The following SCGB2B2 variants were observed in gnomAD, a reference collection of about 807,000 sequenced individuals.
The protein encoded by SCGB2B2 is secretoglobin-like protein.
A neutral mutation model predicts 7.6 loss-of-function variants in SCGB2B2; 11 were observed. The ratio of observed to expected loss-of-function variants is 1.45; its 90% CI spans 0.91 to 2.40. The LOEUF (loss-of-function observed/expected upper bound fraction) is 2.40. Ranked by LOEUF, SCGB2B2 falls within the 30% of genes most tolerant of loss-of-function variation. The pLI, the probability that SCGB2B2 is intolerant of heterozygous loss-of-function variation, is 0.00. For missense variants in SCGB2B2, 104 were observed against 115.4 expected (o/e 0.90, Z 0.45); for synonymous variants, 50 against 48.6 (o/e 1.03, Z -0.12).
intron 1 of SCGB2B2, among the ~76,000 whole-genome samples, chr19:34,635,900 T>C (rs990930821): frequency 6.6e-6 from 1 of 152,230 alleles, no homozygotes; most frequent in African/African-American, 2.4e-5. Context: ...CCTCTGGTGC[T>C]AGGGGGTGTC....
Position 34,593,637 on chromosome 19 carries a change from CTG to C in SCGB2B2, c.247-40_247-39del, listed in dbSNP as rs985635122. 3.3e-6 allele frequency: 5 copies of C among 1,521,880 alleles called. No homozygotes were observed. The African/African-American group carries it at 5.5e-5, about 17-fold the overall frequency. 94.3% of individuals were successfully genotyped at this position (1,521,880 alleles called of 1,614,324 possible). On this transcript the variant is annotated intron_variant, in intron 3 of 3. Coordinates refer to ENST00000601241, the MANE Select transcript of SCGB2B2 (RefSeq NM_001025591.4). ...GAAGAAAGAGAGGAGCCGGTGGCCTCTGTGAAAGGCTCCCCAGACTCATCGTT... is the reference window on the plus strand; with the variant it reads ...GAAGAAAGAGAGGAGCCGGTGGCCTCTGAAAGGCTCCCCAGACTCATCGTT...
intron 1 of SCGB2B2, chr19:34,645,788 C>A: frequency 3.4e-6 from 1 of 295,514 alleles, no homozygotes; most frequent in Admixed American, 4.1e-5. Flanking sequence ...TCATTGCCAT[C>A]CCAGGGTCTC....
At chr19:34,666,139 T>C (rs1453363363) in intron 1 of SCGB2B2, among the ~76,000 whole-genome samples, 1 of 152,008 alleles carries the variant, frequency 6.6e-6, no homozygotes, top group Non-Finnish European at 1.5e-5. Flanking sequence ...GGTCCCCAGA[T>C]TGTACAAAGT....
At chr19:34,664,082 C>T (rs1179370621) in intron 1 of SCGB2B2, among the ~76,000 whole-genome samples, 2 of 152,108 alleles carry the variant, frequency 1.3e-5, no homozygotes, top group Non-Finnish European at 1.5e-5. Context: ...AAAACCCTGC[C>T]CACAACCCTA....
intron 1 of SCGB2B2, among the ~76,000 whole-genome samples, chr19:34,675,236 C>A (rs574095960): frequency 6.6e-5 from 10 of 152,162 alleles, no homozygotes; most frequent in Non-Finnish European, 1.5e-4. Context: ...CTTTGGAAAA[C>A]AATTCATGAT....
downstream of SCGB2B2, among the ~76,000 whole-genome samples, chr19:34,590,377 CCGTT>C (rs1326196431): frequency 2.7e-4 from 37 of 139,418 alleles, 1 homozygote; most frequent in Admixed American, 2.3e-3. Context: ...ATCCATCCAT[CCGTT>C]CATCCATCCA....
intron 1 of SCGB2B2, among the ~76,000 whole-genome samples, chr19:34,616,048 A>G (rs1356332915): frequency 6.6e-6 from 1 of 150,954 alleles, no homozygotes; most frequent in African/African-American, 2.4e-5. Context: ...ATAGTATTCC[A>G]TGGTGTATAT....
chr19:34,644,782 T>G (rs1373183054), intron 1 of SCGB2B2, among the ~76,000 whole-genome samples: 1 of 152,212 alleles, frequency 6.6e-6, no homozygotes, highest in East Asian at 1.9e-4. Context: ...GACGGACACT[T>G]AGGACATTTC....
In SCGB2B2 at chr19:34,613,347, C is replaced by T. The variant is rs546060492; in HGVS notation, c.-2031-16753G>A. On this transcript the variant is annotated intron_variant, in intron 1 of 3. Transcript: ENST00000601241. ...CTCCTGACCTCAAGTGATCTGTCCCCCTTGGCCTCCCAAAGTGCTGGGATT... is the reference window on the plus strand; with the variant it reads ...CTCCTGACCTCAAGTGATCTGTCCCTCTTGGCCTCCCAAAGTGCTGGGATT... Among the ~76,000 whole-genome samples, 7 of 151,910 alleles carry T rather than the reference C, an allele frequency of 4.6e-5. No homozygotes were observed. The East Asian group carries it at 1.4e-3, about 29-fold the overall frequency.
At chr19:34,607,646 A>T (rs1476954257) in intron 1 of SCGB2B2, among the ~76,000 whole-genome samples, 1 of 152,226 alleles carries the variant, frequency 6.6e-6, no homozygotes, top group Non-Finnish European at 1.5e-5. Context: ...AACCATGCTA[A>T]TGTGTGTAAG....
At chr19:34,667,072 CG>C (rs1033281717) in intron 1 of SCGB2B2, among the ~76,000 whole-genome samples, 56 of 152,182 alleles carry the variant, frequency 3.7e-4, no homozygotes, top group Middle Eastern at 6.8e-3. Context: ...GCAGCAGGCC[CG>C]GCCACCAGCG....
At chr19:34,635,303 G>T in intron 1 of SCGB2B2, 2 of 287,866 alleles carry the variant, frequency 6.9e-6, no homozygotes, top group South Asian at 9.0e-5. Flanking sequence ...GGTGCTGAAT[G>T]AGTGTGTGTT....
chr19:34,649,516 G>GA (rs913783011), intron 1 of SCGB2B2, among the ~76,000 whole-genome samples: 5 of 150,924 alleles, frequency 3.3e-5, no homozygotes, highest in Non-Finnish European at 3.0e-5. Context: ...TTACTTAAAA[G>GA]AAAAAAAAAC....
intron 1 of SCGB2B2, among the ~76,000 whole-genome samples, chr19:34,627,311 G>A (rs1198042293): frequency 6.6e-6 from 1 of 152,136 alleles, no homozygotes; most frequent in Non-Finnish European, 1.5e-5. Context: ...GACACAGACT[G>A]GCAAATTGGA....
chr19:34,614,959 G>A (rs919418017), intron 1 of SCGB2B2, among the ~76,000 whole-genome samples: 1 of 152,158 alleles, frequency 6.6e-6, no homozygotes, highest in African/African-American at 2.4e-5. Flanking sequence ...TAGCATCATT[G>A]GTCAAGGCTT....
intron 1 of SCGB2B2, among the ~76,000 whole-genome samples, chr19:34,623,974 A>T (rs2066303992): frequency 6.6e-6 from 1 of 152,196 alleles, no homozygotes; most frequent in Non-Finnish European, 1.5e-5. Flanking sequence ...CAAATAGGGC[A>T]TGAGGTCTGA....
intron 1 of SCGB2B2, among the ~76,000 whole-genome samples, chr19:34,658,170 C>T (rs892061911): frequency 2.6e-5 from 4 of 152,136 alleles, no homozygotes; most frequent in African/African-American, 9.7e-5. Context: ...GACACCCTAA[C>T]ATCACAATTA....
chr19:34,629,673 C>T (rs1419901243), intron 1 of SCGB2B2, among the ~76,000 whole-genome samples: 1 of 151,898 alleles, frequency 6.6e-6, no homozygotes, highest in Non-Finnish European at 1.5e-5. Flanking sequence ...GAATCAATAT[C>T]GTGAAAATGG....
At position 34,631,480 on chromosome 19, in the gene SCGB2B2, A is replaced by G. The variant is rs577169419; in HGVS notation, c.-2031-34886T>C. ...ATATTTCTATAAAAATTGTATTTCT[A>G]TGTACTAACAATGACTAATTTAAAA... is the stretch of plus-strand genomic sequence containing the variant. On this transcript the variant is annotated intron_variant, in intron 1 of 3. Coordinates refer to ENST00000601241, the MANE Select transcript of SCGB2B2 (RefSeq NM_001025591.4). 3.9e-5 allele frequency among the ~76,000 whole-genome samples: 6 copies of G among 152,256 alleles called. 2 individuals are homozygous for G. The highest frequency in any genetic ancestry group is 1.2e-4 in the African/African-American group (5 of 41,554).
Sources: gnomAD v4.1 joint callset for allele counts (sites outside exome capture counted in the v4.1 genomes callset) on GRCh38, gnomAD v4.1.1 for gene constraint, MANE v1.5 for transcripts, NCBI Gene and HGNC (gene_info 2026-07-23, HGNC 2026-07-21) for gene names.